TRIM64B: variants seen among roughly 807,000 people sequenced by gnomAD.
The protein encoded by TRIM64B is tripartite motif containing 64B, also known as tripartite motif-containing protein 64B.
For missense variants in TRIM64B, 57 were observed against 536.4 expected (o/e 0.11, Z 8.83); for synonymous variants, 17 against 190.3 (o/e 0.09, Z 7.50).
chr11:89,878,081 G>A (rs1590887901), upstream of TRIM64B, among the ~76,000 whole-genome samples: 1 of 145,722 alleles, frequency 6.9e-6, no homozygotes, highest in African/African-American at 2.5e-5. Flanking sequence ...CCCACATTCT[G>A]GTGAACATTT....
At chr11:89,871,598 A>G in intron 5 of TRIM64B, among the ~76,000 whole-genome samples, 1 of 142,930 alleles carries the variant, frequency 7.0e-6, no homozygotes, top group Admixed American at 7.1e-5. Flanking sequence ...GCTTTACATT[A>G]TCTGTTTAGC....
intron 4 of TRIM64B, among the ~76,000 whole-genome samples, chr11:89,872,833 G>A (rs1299528706): frequency 1.3e-5 from 2 of 151,748 alleles, no homozygotes; most frequent in Admixed American, 6.5e-5. Flanking sequence ...TGGGTGTATG[G>A]TGATGGAGCA....
chr11:89,876,788 T>C (rs1950167717), upstream of TRIM64B, among the ~76,000 whole-genome samples: 1 of 149,372 alleles, frequency 6.7e-6, no homozygotes, highest in Non-Finnish European at 1.5e-5. Context: ...ATATTTTTTA[T>C]CTGAGATTAG....
At chr11:89,874,119 A>G (rs1950140146) in exon 3 of TRIM64B, 2 of 1,548,672 alleles carry the variant, frequency 1.3e-6, no homozygotes, top group Non-Finnish European at 1.7e-6. Flanking sequence ...CATCCTTTCT[A>G]AATGTTGGGT....
chr11:89,871,856 C>T (rs1207523299), intron 5 of TRIM64B, among the ~76,000 whole-genome samples: 1 of 36,786 alleles, frequency 2.7e-5, no homozygotes, highest in African/African-American at 1.2e-4. Flanking sequence ...AGAATAGAAA[C>T]AATTAAAAAC....
chr11:89,875,821 G>T, exon 1 of TRIM64B: 1 of 1,547,424 alleles, frequency 6.5e-7, no homozygotes, highest in Non-Finnish European at 8.7e-7. Context: ...TACCAGATTG[G>T]TGTTGAAGTT....
chr11:89,875,897 G>T (rs1258667153), exon 1 of TRIM64B: 1 of 1,549,468 alleles, frequency 6.5e-7, no homozygotes, highest in East Asian at 2.5e-5. Context: ...TCTGAGCAGA[G>T]GCAGAGGCAG....
chr11:89,876,954 G>A (rs1160393420), upstream of TRIM64B, among the ~76,000 whole-genome samples: 2 of 147,976 alleles, frequency 1.4e-5, no homozygotes, highest in Non-Finnish European at 3.0e-5. Context: ...TGGGTGGAGG[G>A]TAAAAGCTGG....
At chr11:89,876,103 G>A, upstream of TRIM64B, 3 of 1,228,068 alleles carry the variant, frequency 2.4e-6, no homozygotes, top group South Asian at 1.6e-5. Context: ...AAAGGCCGGT[G>A]GACAATTTTC....
chr11:89,878,243 T>C (rs1375568418), upstream of TRIM64B, among the ~76,000 whole-genome samples: 2 of 131,330 alleles, frequency 1.5e-5, no homozygotes, highest in Non-Finnish European at 3.2e-5. Flanking sequence ...TTTATATTGA[T>C]TTTCTGTAAA....
chr11:89,877,906 C>A (rs1950175466), upstream of TRIM64B, among the ~76,000 whole-genome samples: 3 of 149,214 alleles, frequency 2.0e-5, no homozygotes, highest in African/African-American at 7.3e-5. Context: ...CAAACATGAG[C>A]CATCATGCCC....
chr11:89,875,318 G>C (rs866444498), intron 1 of TRIM64B, among the ~76,000 whole-genome samples: 715 of 142,900 alleles, frequency 5.0e-3, no homozygotes, highest in African/African-American at 0.012. Context: ...CTGGCTTTCA[G>C]ATAACCTGAC....
upstream of TRIM64B, among the ~76,000 whole-genome samples, chr11:89,876,354 A>G (rs1212664854): frequency 1.1e-4 from 16 of 146,924 alleles, no homozygotes; most frequent in African/African-American, 3.4e-4. Context: ...ATTACTTTGA[A>G]TGCCTAATAC....
upstream of TRIM64B, among the ~76,000 whole-genome samples, chr11:89,877,900 C>T (rs1950175412): frequency 6.7e-6 from 1 of 149,278 alleles, no homozygotes; most frequent in African/African-American, 2.4e-5. Context: ...AGGCTGCAAA[C>T]ATGAGCCATC....
intron 5 of TRIM64B, among the ~76,000 whole-genome samples, chr11:89,871,400 T>A (rs1186561276): frequency 1.1e-4 from 17 of 152,240 alleles, no homozygotes; most frequent in Non-Finnish European, 2.1e-4. Context: ...TGCAAAATGT[T>A]TTTTTTTCTT....
intron 5 of TRIM64B, among the ~76,000 whole-genome samples, chr11:89,871,346 T>G (rs1202829929): frequency 6.6e-6 from 1 of 152,224 alleles, no homozygotes; most frequent in Admixed American, 6.5e-5. Context: ...ACAGGGGAAA[T>G]AATGATTTAA....
chr11:89,875,778 G>A, exon 1 of TRIM64B: 1 of 1,544,312 alleles, frequency 6.5e-7, no homozygotes, highest in South Asian at 1.2e-5. Flanking sequence ...TCTGAGGTCT[G>A]GTCTGTCTGG....
chr11:89,876,212 C>A (rs1189979746), upstream of TRIM64B, among the ~76,000 whole-genome samples: 1 of 132,778 alleles, frequency 7.5e-6, no homozygotes, highest in Non-Finnish European at 1.6e-5. Context: ...AAAGTTTTCC[C>A]TCAATAGCCA....
upstream of TRIM64B, among the ~76,000 whole-genome samples, chr11:89,876,439 T>A (rs1382814390): frequency 6.7e-6 from 1 of 149,358 alleles, no homozygotes; most frequent in African/African-American, 2.4e-5. Flanking sequence ...TATGTACATG[T>A]TTGGCAGGGC....
Sources: gnomAD v4.1 joint callset for allele counts (sites outside exome capture counted in the v4.1 genomes callset) on GRCh38, gnomAD v4.1.1 for gene constraint, MANE v1.5 for transcripts, NCBI Gene and HGNC (gene_info 2026-07-23, HGNC 2026-07-21) for gene names.